The following CNTN5 variants were observed in gnomAD, a reference collection of about 807,000 sequenced individuals.
CNTN5 encodes the protein contactin-5.
Under a neutral mutation model 129.1 loss-of-function variants are expected in CNTN5, and 77 were observed. The observed-to-expected ratio is 0.60, with a 90% confidence interval of 0.50 to 0.72. The LOEUF (loss-of-function observed/expected upper bound fraction) is 0.72, where lower values mean the gene tolerates loss of function less well. Among genes scored for constraint, CNTN5 ranks in the 30% least tolerant of loss-of-function variants. The pLI, the probability that CNTN5 is intolerant of heterozygous loss-of-function variation, is 0.00. For missense variants in CNTN5, 1,478 were observed against 1,328.8 expected (o/e 1.11, Z -1.75); for synonymous variants, 509 against 465.6 (o/e 1.09, Z -1.20).
At chr11:99,073,373 GGTTTT>G (rs1257271235) in intron 1 of CNTN5, among the ~76,000 whole-genome samples, 14 of 87,328 alleles carry the variant, frequency 1.6e-4, no homozygotes, top group Non-Finnish European at 2.7e-4. Flanking sequence ...TTTATGGTTT[GGTTTT>G]TTTTTTTTTT....
chr11:99,160,557 G>T (rs554018253), intron 1 of CNTN5, among the ~76,000 whole-genome samples: 1 of 151,978 alleles, frequency 6.6e-6, no homozygotes, highest in Non-Finnish European at 1.5e-5. Flanking sequence ...TTGCTGTACC[G>T]AACTACTAAT....
At chr11:99,267,666 T>C (rs1000756969) in intron 1 of CNTN5, among the ~76,000 whole-genome samples, 1 of 151,948 alleles carries the variant, frequency 6.6e-6, no homozygotes, top group Non-Finnish European at 1.5e-5. Context: ...TGAAAGGGCA[T>C]ACAACCATTA....
chr11:99,136,554 T>A (rs1165072495), intron 1 of CNTN5, among the ~76,000 whole-genome samples: 1 of 152,186 alleles, frequency 6.6e-6, no homozygotes, highest in Non-Finnish European at 1.5e-5. Flanking sequence ...ACCCACTCAT[T>A]GCTCATGCAC....
intron 13 of CNTN5, among the ~76,000 whole-genome samples, chr11:100,184,210 C>T (rs1423528673): frequency 1.3e-5 from 2 of 152,012 alleles, no homozygotes; most frequent in African/African-American, 4.8e-5. Context: ...TATCACATGC[C>T]ACTACAGTAC....
chr11:99,938,731 A>G (rs1016805365), intron 7 of CNTN5, among the ~76,000 whole-genome samples: 1 of 152,122 alleles, frequency 6.6e-6, no homozygotes, highest in East Asian at 1.9e-4. Context: ...GCCGCAATCT[A>G]CATACTTTAC....
chr11:99,581,844 A>T (rs1949609540), intron 3 of CNTN5, among the ~76,000 whole-genome samples: 1 of 152,088 alleles, frequency 6.6e-6, no homozygotes, highest in African/African-American at 2.4e-5. Context: ...TATTATTGTT[A>T]TATGTGAATT....
At chr11:99,105,626 GA>G (rs1866960096) in intron 1 of CNTN5, among the ~76,000 whole-genome samples, 1 of 152,052 alleles carries the variant, frequency 6.6e-6, no homozygotes, top group South Asian at 2.1e-4. Flanking sequence ...ACAAAGACAA[GA>G]GCATCATTTT....
At chr11:100,187,411 GT>G (rs33944692) in intron 13 of CNTN5, among the ~76,000 whole-genome samples, 58 of 148,558 alleles carry the variant, frequency 3.9e-4, no homozygotes, top group African/African-American at 1.1e-3. Flanking sequence ...GCTGCCAACG[GT>G]TTTTTTTTTT....
In CNTN5 at chr11:99,670,480, T is replaced by C. The variant is rs78978778; in HGVS notation, c.55+114211T>C. The stretch of plus-strand genomic sequence containing the variant: ...GCCTATCACTCACCTAATCTGACAT[T>C]CACACTGCAGCCAGGGGATTAGACT... On this transcript the variant is annotated intron_variant, in intron 3 of 24. Transcript: ENST00000524871. Among the ~76,000 whole-genome samples, 1,440 of 152,254 alleles carry C rather than the reference T, an allele frequency of 9.5e-3. 27 individuals are homozygous for C. The highest frequency in any genetic ancestry group is 0.032 in the African/African-American group (1,315 of 41,548).
At chr11:99,355,849 C>T (rs1291508832) in intron 2 of CNTN5, among the ~76,000 whole-genome samples, 75 of 139,934 alleles carry the variant, frequency 5.4e-4, no homozygotes, top group African/African-American at 8.9e-4. Flanking sequence ...TTTTTTGAGA[C>T]GGAATCTCGC....
At chr11:100,164,499 G>A (rs967265929) in intron 13 of CNTN5, among the ~76,000 whole-genome samples, 13 of 151,592 alleles carry the variant, frequency 8.6e-5, no homozygotes, top group African/African-American at 3.1e-4. Context: ...TTATACCTAG[G>A]TGAATTAGAA....
intron 3 of CNTN5, among the ~76,000 whole-genome samples, chr11:99,630,916 G>A (rs1222390489): frequency 6.6e-6 from 1 of 152,122 alleles, no homozygotes; most frequent in Non-Finnish European, 1.5e-5. Context: ...ACCGTGGACT[G>A]TTATTTTCCC....
chr11:100,005,651 C>T (rs1940145443), intron 9 of CNTN5, among the ~76,000 whole-genome samples: 1 of 151,992 alleles, frequency 6.6e-6, no homozygotes, highest in South Asian at 2.1e-4. Flanking sequence ...CATGACAACC[C>T]CAAAAAACTT....
At position 99,802,069 on chromosome 11, in the gene CNTN5, T is replaced by C. The variant is rs149966501; in HGVS notation, c.56-17475T>C. Among the ~76,000 whole-genome samples, 728 of 152,324 alleles carry C rather than the reference T, an allele frequency of 4.8e-3. 9 individuals are homozygous for C. Among genetic ancestry groups the C allele is most frequent in the African/African-American group, 0.014 (585 of 41,568 alleles). ...TTTTCCCACAATATTATTGTTTTGT[T>C]TTTAATTTTCCTTTTCTTGTTCTCC... On this transcript the variant is annotated intron_variant, in intron 3 of 24. Coordinates refer to ENST00000524871, the MANE Select transcript of CNTN5 (RefSeq NM_014361.4).
At chr11:99,041,608 C>G (rs961370457) in intron 1 of CNTN5, among the ~76,000 whole-genome samples, 1 of 152,062 alleles carries the variant, frequency 6.6e-6, no homozygotes, top group Non-Finnish European at 1.5e-5. Context: ...ATTGATTGCC[C>G]TCATTAAGTA....
At chr11:100,281,897 G>GC (rs776442944) in intron 18 of CNTN5, among the ~76,000 whole-genome samples, 1 of 151,664 alleles carries the variant, frequency 6.6e-6, no homozygotes, top group Non-Finnish European at 1.5e-5. Context: ...TGTGTCAGTT[G>GC]CATTTTTCAG....
intron 3 of CNTN5, among the ~76,000 whole-genome samples, chr11:99,565,641 C>T (rs1948979489): frequency 6.6e-6 from 1 of 152,168 alleles, no homozygotes; most frequent in Non-Finnish European, 1.5e-5. Context: ...CCATTCAGTT[C>T]TCCTGAAAAA....
At chr11:99,868,931 C>G (rs1195190030) in intron 6 of CNTN5, among the ~76,000 whole-genome samples, 2 of 152,106 alleles carry the variant, frequency 1.3e-5, no homozygotes, top group Non-Finnish European at 2.9e-5. Context: ...AGAAGTAGAA[C>G]AAGTTTTAAA....
chr11:99,307,095 A>G (rs1425494513), intron 1 of CNTN5, among the ~76,000 whole-genome samples: 1 of 152,184 alleles, frequency 6.6e-6, no homozygotes, highest in Non-Finnish European at 1.5e-5. Context: ...AAGAATTAAC[A>G]TGAATTGTTG....
Sources: allele counts gnomAD v4.1 joint callset (sites outside exome capture counted in the v4.1 genomes callset), GRCh38; gene constraint gnomAD v4.1.1; transcripts MANE v1.5; gene names NCBI Gene and HGNC (gene_info 2026-07-23, HGNC 2026-07-21).